PRPF40B: variants seen among roughly 807,000 people sequenced by gnomAD.
The protein encoded by PRPF40B is pre-mRNA processing factor 40B, also known as pre-mRNA-processing factor 40 homolog B.
Under a neutral mutation model 124.5 loss-of-function variants are expected in PRPF40B, and 56 were observed. The observed-to-expected ratio is 0.45, with a 90% CI of 0.36 to 0.56. The LOEUF (loss-of-function observed/expected upper bound fraction) is 0.56, where lower values mean the gene tolerates loss of function less well. Among genes scored for constraint, PRPF40B ranks in the 20% least tolerant of loss-of-function variants. The probability of loss-of-function intolerance (pLI) is 0.00; values close to 1 mark genes in which losing one functional copy is unlikely to be tolerated. For missense variants in PRPF40B, 1,053 were observed against 1,169.5 expected (o/e 0.90, Z 1.45); for synonymous variants, 443 against 426.4 (o/e 1.04, Z -0.48).
chr12:49,639,331 C>T (rs1259250211), intron 18 of PRPF40B: 1 of 152,192 alleles, frequency 6.6e-6, no homozygotes, highest in Non-Finnish European at 1.5e-5. Flanking sequence ...CTCTCTCCTA[C>T]TGTTGGGGCT....
At chr12:49,628,965 C>T (rs1460189528) in intron 1 of PRPF40B, among the ~76,000 whole-genome samples, 8 of 152,212 alleles carry the variant, frequency 5.3e-5, no homozygotes, top group Non-Finnish European at 1.2e-4. Flanking sequence ...TTCTCTTCAG[C>T]CAGATACCAC....
In PRPF40B at chr12:49,637,816, A is replaced by G. The variant is rs766639789; in HGVS notation, c.1759A>G (p.Ile587Val). 6.2e-7 allele frequency: 1 copy of G among 1,606,050 alleles called. No homozygotes were observed. The highest frequency in any genetic ancestry group is 1.3e-5 in the African/African-American group (1 of 74,856). ...TGATGAAAAGAAGATCATTAAGGAC[A>G]TCCTTAAGGTGAGGGAGGCTGGGGT... The part of the protein sequence containing the change: ...FHDEKKIIKD[I>V]LKDRGFCVEV... Residue 587 changes from isoleucine (I) to valine (V), a missense_variant, in exon 18 of 26, where the codon ATC becomes GTC. By Grantham distance (29) the Ile-to-Val change is conservative. This residue lies in a region of PRPF40B where 895 missense variants were observed against 1,052.2 expected (regional missense o/e 0.85). Transcript: ENST00000548825.
chr12:49,637,637 T>A, intron 17 of PRPF40B, 53 bp downstream of exon 17: 1 of 1,578,834 alleles, frequency 6.3e-7, no homozygotes, highest in Non-Finnish European at 8.7e-7. Context: ...CCTGCCAGCC[T>A]CTCTGCACCC....
Position 49,643,416 on chromosome 12 carries a change from C to T in PRPF40B, c.2380+19C>T, listed in dbSNP as rs760990489. 9.8e-6 allele frequency: 15 copies of T among 1,535,396 alleles called. No individual in the cohort carries two copies. Among genetic ancestry groups the T allele is most frequent in the African/African-American group, 2.8e-5 (2 of 72,286 alleles). On this transcript the variant is annotated intron_variant, in intron 23 of 25. Transcript: ENST00000548825. Reference sequence around the variant, plus strand: ...GGAGCAGGTAAGCAGTTGCTGTGAGCGTAGAAGCTGGAGAACTGTTGTCCC... The same window carrying T: ...GGAGCAGGTAAGCAGTTGCTGTGAGTGTAGAAGCTGGAGAACTGTTGTCCC...
rs1488693307 is a variant in PRPF40B, at chr12:49,632,848, T to C, written c.323-7T>C. On this transcript the variant is annotated splice_region_variant and splice_polypyrimidine_tract_variant and intron_variant, in intron 5 of 25. Coordinates refer to ENST00000548825, the MANE Select transcript of PRPF40B (RefSeq NM_001031698.3). ...GACTTAGTATGTATCCTTTGGCTTT[T>C]TTCTAGCTGCTGTGGCTGGGACAGG... 1 of 1,613,784 alleles carries C rather than the reference T, an allele frequency of 6.2e-7. No individual in the cohort carries two copies. Among genetic ancestry groups the C allele is most frequent in the African/African-American group, 1.3e-5 (1 of 74,894 alleles).
rs1255244464 is a variant in PRPF40B at position 49,635,771 on chromosome 12, G to GTCCT, written c.1276-71_1276-68dup. 6.4e-7 allele frequency: 1 copy of GTCCT among 1,571,148 alleles called. No individual in the cohort carries two copies. The highest frequency in any genetic ancestry group is 8.7e-7 in the Non-Finnish European group (1 of 1,153,456). ...GGGTTCCCTAGCTACCTTTCCCCAG[G>GTCCT]TCCTCCTCTGCCCAGGCCTACTTGG... is the stretch of plus-strand genomic sequence containing the variant. On this transcript the variant is annotated intron_variant, in intron 14 of 25. Coordinates refer to ENST00000548825, the MANE Select transcript of PRPF40B (RefSeq NM_001031698.3). This position sits in a 1 kb window ranked among gnomAD's most constrained non-coding sequence, Gnocchi z 4.1.
intron 1 of PRPF40B, among the ~76,000 whole-genome samples, chr12:49,628,438 T>G (rs1940922253): frequency 6.6e-6 from 1 of 151,994 alleles, no homozygotes; most frequent in Non-Finnish European, 1.5e-5. Flanking sequence ...TTTTTGTATT[T>G]TTAGTAGAGG....
rs779094074 is a variant in PRPF40B at position 49,642,530 on chromosome 12, G to A, written c.2023-50G>A. 1 of 1,604,186 alleles carries A rather than the reference G, an allele frequency of 6.2e-7. No individual in the cohort carries two copies. Among genetic ancestry groups the A allele is most frequent in the South Asian group, 1.1e-5 (1 of 90,644 alleles). ...GCCCTGTGCTCATGGCGGTGTCCAG[G>A]CCAGGCTGAGTGGGGCCTAGTCTGA... On this transcript the variant is annotated intron_variant, in intron 20 of 25. Transcript: ENST00000548825. The surrounding 1 kb of genome is among the most constrained non-coding windows in gnomAD (Gnocchi z 5.8).
chr12:49,626,571 T>C lies in PRPF40B; in HGVS notation c.3+2978T>C, dbSNP rs372465954. On this transcript the variant is annotated intron_variant, in intron 1 of 25. Coordinates refer to ENST00000548825, the MANE Select transcript of PRPF40B (RefSeq NM_001031698.3). ...TAGAATAAAAGAAATGTGTTTCACT[T>C]GAGGGTAATCTAACAATTCTGTGCA... Among the ~76,000 whole-genome samples the C allele has an allele frequency of 7.9e-5, 12 of 152,260 alleles. No homozygotes were observed. The East Asian group carries it at 1.2e-3, about 15-fold the overall frequency.
chr12:49,643,976 C>T lies in PRPF40B; in HGVS notation c.2558C>T (p.Ser853Phe), dbSNP rs774647232. Residue 853 changes from serine (S) to phenylalanine (F), a missense_variant, in exon 25 of 26, where the codon TCC becomes TTC. Coordinates refer to ENST00000548825, the MANE Select transcript of PRPF40B (RefSeq NM_001031698.3). ...ELQQAELPNR[S>F]PGFGIKKEKT... ...CAACAGGCAGAGCTCCCTAACCGTT[C>T]CCCAGGCTTTGGAATCAAGAAGGAG... 3 of 1,614,176 alleles carry T rather than the reference C, an allele frequency of 1.9e-6. No individual in the cohort carries two copies. Among genetic ancestry groups the T allele is most frequent in the Admixed American group, 1.7e-5 (1 of 60,030 alleles).
At chr12:49,623,767 C>G in intron 1 of PRPF40B, 174 bp downstream of exon 1, 1 of 99,954 alleles carries the variant, frequency 1.0e-5, no homozygotes, top group Non-Finnish European at 1.2e-5. Context: ...GGGGCGGGGA[C>G]TGGGGGCGAA....
At chr12:49,641,594 A>G in intron 18 of PRPF40B, 1 of 346,822 alleles carries the variant, frequency 2.9e-6, no homozygotes, top group South Asian at 4.3e-5. Context: ...GAGCAGCAGG[A>G]GGGCCCAGCT....
chr12:49,623,105 C>T (rs1046573286), upstream of PRPF40B, among the ~76,000 whole-genome samples: 18 of 151,806 alleles, frequency 1.2e-4, no homozygotes, highest in African/African-American at 4.4e-4. Context: ...TGAGACAGAC[C>T]CTGCCACCTC....
intron 15 of PRPF40B, 109 bp from the exon 16 acceptor site, chr12:49,636,607 G>C: frequency 6.7e-7 from 1 of 1,490,596 alleles, no homozygotes; most frequent in South Asian, 1.2e-5. Flanking sequence ...CCACCACCCT[G>C]GGTATCCCTA....
In PRPF40B at chr12:49,644,155, G is replaced by C. The variant is rs753845877; in HGVS notation, c.2642G>C (p.Arg881Pro). The change falls in exon 26 of 26, where the codon CGG becomes CCG. Residue 881 changes from arginine to proline, a missense_variant. Transcript: ENST00000548825. ...AGTGAGGGTGAGCTGGAGAGGCGGC[G>C]GCGGACACTCCTACAGCAGCTGGAT... Reference protein sequence around the residue: ...ELSEGELERRRRTLLQQLDDH... With the variant: ...ELSEGELERRPRTLLQQLDDH... 6.2e-7 allele frequency: 1 copy of C among 1,614,092 alleles called. No homozygotes were observed. Among genetic ancestry groups the C allele is most frequent in the Non-Finnish European group, 8.5e-7 (1 of 1,180,028 alleles).
Position 49,644,022 on chromosome 12 carries a change from T to A in PRPF40B, c.2586+18T>A, listed in dbSNP as rs752476745. ...AGGAGAAGGTGAGGGGCAGGGGCCC[T>A]AGGCCAGTCAGCACGCTGGTCAAGC... On this transcript the variant is annotated intron_variant, in intron 25 of 25. Transcript: ENST00000548825. 1.5e-5 allele frequency: 25 copies of A among 1,614,026 alleles called. No individual in the cohort carries two copies. Among genetic ancestry groups the A allele is most frequent in the Non-Finnish European group, 1.9e-5 (23 of 1,180,014 alleles).
At chr12:49,625,585 A>T (rs77938251) in intron 1 of PRPF40B, among the ~76,000 whole-genome samples, 5,568 of 152,040 alleles carry the variant, frequency 0.037, 135 homozygotes, top group Non-Finnish European at 0.053. Context: ...TGCCCCTTAG[A>T]TGTGAAGTCC....
chr12:49,635,087 C>G lies in PRPF40B; in HGVS notation c.1002-12C>G, dbSNP rs370488284. ...TTCTCTATCCCCACCCCACTCCTAC[C>G]CTCTATCCCAGTGCCTTGCCTAAAC... On this transcript the variant is annotated splice_polypyrimidine_tract_variant and intron_variant, in intron 12 of 25. Transcript: ENST00000548825. The surrounding 1 kb of genome is among the most constrained non-coding windows in gnomAD (Gnocchi z 4.1). 2.0e-4 allele frequency: 315 copies of G among 1,607,890 alleles called. No individual in the cohort carries two copies. The highest frequency in any genetic ancestry group is 2.5e-4 in the Non-Finnish European group (300 of 1,177,684).
Position 49,637,722 on chromosome 12 carries a change from C to T in PRPF40B, c.1676-11C>T. The stretch of plus-strand genomic sequence containing the variant: ...GCCGCCCGCCAGGCCCCCCTCCCTC[C>T]CTCCTTACAGGCTCCACCCCTCTGG... On this transcript the variant is annotated splice_polypyrimidine_tract_variant and intron_variant, in intron 17 of 25. Transcript: ENST00000548825. The T allele has an allele frequency of 1.3e-6, 2 of 1,581,188 alleles. No individual in the cohort carries two copies. Among genetic ancestry groups the T allele is most frequent in the Non-Finnish European group, 1.7e-6 (2 of 1,153,338 alleles).
Sources: gnomAD v4.1 joint callset for allele counts (sites outside exome capture counted in the v4.1 genomes callset) on GRCh38, gnomAD v4.1.1 for gene constraint, gnomAD v4.1.1 regional missense constraint, Gnocchi (gnomAD v3.1) non-coding constraint, MANE v1.5 for transcripts, NCBI Gene and HGNC (gene_info 2026-07-23, HGNC 2026-07-21) for gene names.